Variants in WDR44 observed in about 807,000 individuals in gnomAD.
WDR44 encodes WD repeat domain 44.
WDR44 carries 9 observed loss-of-function variants against 65.7 expected under a neutral mutation model. That is an observed-to-expected ratio of 0.14 (90% CI 0.08 to 0.24). The LOEUF is 0.24. Ranked by LOEUF, WDR44 falls within the 10% of genes least tolerant of loss-of-function variation. The probability of loss-of-function intolerance (pLI) is 1.00; values close to 1 mark genes in which losing one functional copy is unlikely to be tolerated. For synonymous variants in WDR44, 220 were observed against 235.2 expected (o/e 0.94, Z 0.59); for missense variants, 425 against 670.9 (o/e 0.63, Z 4.05).
intron 12 of WDR44, among the ~76,000 whole-genome samples, chrX:118,425,475 C>G (rs1273478664): frequency 5.4e-5 from 6 of 110,533 alleles, no homozygotes; most frequent in African/African-American, 1.6e-4. Context: ...AGGTGAAACC[C>G]TGTCTCTACT....
chrX:118,395,664 T>C (rs1185010206), intron 6 of WDR44, among the ~76,000 whole-genome samples: 1 of 111,957 alleles, frequency 8.9e-6, no homozygotes, highest in Non-Finnish European at 1.9e-5. Flanking sequence ...TTTCACTGTG[T>C]TGCATAGTGG....
intron 12 of WDR44, among the ~76,000 whole-genome samples, chrX:118,411,454 C>G: frequency 8.9e-6 from 1 of 111,814 alleles, no homozygotes; most frequent in African/African-American, 3.2e-5. Context: ...CAATATTGTA[C>G]TAAGTTGTCA....
chrX:118,412,750 G>A, intron 12 of WDR44, among the ~76,000 whole-genome samples: 1 of 111,024 alleles, frequency 9.0e-6, no homozygotes, highest in Non-Finnish European at 1.9e-5. Flanking sequence ...GGGTACAGGT[G>A]GTATTTGGTT....
At chrX:118,353,902 A>G (rs893625196) in intron 1 of WDR44, among the ~76,000 whole-genome samples, 1 of 112,474 alleles carries the variant, frequency 8.9e-6, no homozygotes, top group African/African-American at 3.2e-5. Context: ...TTTGGCCTTT[A>G]GATTAATTCA....
rs898348428 is a variant in WDR44, at chrX:118,413,296, T to C, written c.1737+2337T>C. Among the ~76,000 whole-genome samples, 3 of 112,468 alleles carry C rather than the reference T, an allele frequency of 2.7e-5. No individual in the cohort carries two copies. In the East Asian group the frequency reaches 8.4e-4, roughly 31 times the overall value. ...TGTTTTCCACAGTGGTTGTATTAGT[T>C]TACATTCCCACTAGCAGTGTAGAAG... On this transcript the variant is annotated intron_variant, in intron 12 of 19. Transcript: ENST00000254029.
chrX:118,405,748 TAAC>T (rs1352975251), intron 9 of WDR44, among the ~76,000 whole-genome samples: 1 of 111,544 alleles, frequency 9.0e-6, no homozygotes, highest in Non-Finnish European at 1.9e-5. Context: ...ATATAAAAAA[TAAC>T]AATGCAACAA....
At chrX:118,399,578 A>G (rs2056894609) in intron 8 of WDR44, among the ~76,000 whole-genome samples, 1 of 111,900 alleles carries the variant, frequency 8.9e-6, no homozygotes, top group Admixed American at 9.6e-5. Flanking sequence ...ATAAACATCC[A>G]GAAGAGATGT....
At chrX:118,391,550 C>T (rs1038996534) in intron 3 of WDR44, among the ~76,000 whole-genome samples, 1 of 112,090 alleles carries the variant, frequency 8.9e-6, no homozygotes, top group African/African-American at 3.2e-5. Context: ...ATTGAGAAAG[C>T]AGAAGTTGTT....
intron 9 of WDR44, among the ~76,000 whole-genome samples, chrX:118,406,123 G>T (rs1208305680): frequency 8.9e-6 from 1 of 112,135 alleles, no homozygotes; most frequent in Non-Finnish European, 1.9e-5. Flanking sequence ...CTGAGACCCT[G>T]TCTTTAAAAA....
At chrX:118,400,593 G>A (rs992798292) in intron 8 of WDR44, among the ~76,000 whole-genome samples, 1 of 111,077 alleles carries the variant, frequency 9.0e-6, no homozygotes, top group African/African-American at 3.3e-5. Flanking sequence ...GTGTTTTCTG[G>A]TTATCAAAAG....
chrX:118,443,469 G>A (rs2057319144), intron 17 of WDR44, 91 bp from the exon 18 acceptor site: 1 of 1,022,328 alleles, frequency 9.8e-7, no homozygotes. Context: ...GTTATTTTAG[G>A]TATCACAAAG....
At chrX:118,431,593 G>A (rs12392843) in intron 12 of WDR44, among the ~76,000 whole-genome samples, 29,560 of 111,048 alleles carry the variant, frequency 0.27, 3,170 homozygotes, top group African/African-American at 0.39. Flanking sequence ...ATGAGCCACC[G>A]TGCCTCGCCA....
At position 118,346,460 on chromosome X, in the gene WDR44, C is replaced by T. The variant is rs2056350280; in HGVS notation, c.-44C>T. The T allele has an allele frequency of 8.7e-7, 1 of 1,152,663 alleles. No homozygotes were observed. The highest frequency in any genetic ancestry group is 3.0e-5 in the East Asian group (1 of 33,209). The allele number at this position is 1,152,663 out of a possible 1,213,427, so 95.0% of individuals were successfully genotyped here. ...GAGGAGGAGACAAGAGTCACCCTTCCTCCAGGCGGCGCCGGCCCCCTCACC... is the reference window on the plus strand; with the variant it reads ...GAGGAGGAGACAAGAGTCACCCTTCTTCCAGGCGGCGCCGGCCCCCTCACC... On this transcript the variant is annotated 5_prime_UTR_variant, in exon 1 of 20. Transcript: ENST00000254029.
At chrX:118,407,780 A>G (rs1056217176) in intron 10 of WDR44, among the ~76,000 whole-genome samples, 17 of 112,341 alleles carry the variant, frequency 1.5e-4, no homozygotes, top group Admixed American at 1.2e-3. Flanking sequence ...TGTAGATGCA[A>G]TTGCACAAAC....
At chrX:118,402,646 G>A (rs764626607) in intron 8 of WDR44, among the ~76,000 whole-genome samples, 1 of 109,959 alleles carries the variant, frequency 9.1e-6, no homozygotes, top group Non-Finnish European at 1.9e-5. Context: ...AACTCAGAAG[G>A]CAGAGGCAGG....
intron 19 of WDR44, among the ~76,000 whole-genome samples, chrX:118,447,406 C>A (rs2057355139): frequency 9.0e-6 from 1 of 111,233 alleles, no homozygotes; most frequent in African/African-American, 3.3e-5. Context: ...TTGTGTTTGT[C>A]ATTTTGTACC....
chrX:118,384,294 G>T (rs2056746667), intron 2 of WDR44, among the ~76,000 whole-genome samples: 1 of 111,651 alleles, frequency 9.0e-6, no homozygotes, highest in South Asian at 3.7e-4. Flanking sequence ...GAACAAACAA[G>T]GTCCATCTCT....
chrX:118,403,135 A>G (rs1472891915), intron 8 of WDR44, among the ~76,000 whole-genome samples: 2 of 112,050 alleles, frequency 1.8e-5, no homozygotes, highest in Admixed American at 9.5e-5. Flanking sequence ...TCATCATGCT[A>G]CTCAGAATGG....
intron 1 of WDR44, among the ~76,000 whole-genome samples, chrX:118,373,581 G>C (rs999766619): frequency 9.0e-6 from 1 of 111,631 alleles, no homozygotes; most frequent in African/African-American, 3.3e-5. Context: ...TCCAATTCAA[G>C]AAGCAGCGTT....
Sources: allele counts gnomAD v4.1 joint callset (sites outside exome capture counted in the v4.1 genomes callset), GRCh38; gene constraint gnomAD v4.1.1; transcripts MANE v1.5; gene names NCBI Gene and HGNC (gene_info 2026-07-23, HGNC 2026-07-21).